The following CDH22 variants were observed in gnomAD, a reference collection of about 807,000 sequenced individuals.
CDH22 encodes cadherin 22, also known as cadherin-22.
In CDH22, 30 loss-of-function variants were observed where a neutral mutation model predicts 58.4. That is an observed-to-expected ratio of 0.51 (90% CI 0.38 to 0.70). The LOEUF is 0.70. CDH22 is among the 30% of genes least tolerant of loss of function. CDH22 has a pLI of 0.00. For synonymous variants in CDH22, 513 were observed against 558.2 expected (o/e 0.92, Z 1.14); for missense variants, 1,014 against 1,233.9 (o/e 0.82, Z 2.67).
intron 2 of CDH22, 77 bp downstream of exon 2, chr20:46,250,963 A>C: frequency 2.3e-6 from 2 of 885,682 alleles, no homozygotes; most frequent in South Asian, 2.7e-5. Context: ...AGGGCAGGTG[A>C]ACAAGGGTTT....
chr20:46,253,158 C>T (rs2086389119), intron 1 of CDH22, among the ~76,000 whole-genome samples: 1 of 152,208 alleles, frequency 6.6e-6, no homozygotes, highest in African/African-American at 2.4e-5. Context: ...CGCAGACCAC[C>T]TTCTTTAACC....
At chr20:46,242,646 A>G (rs1301198461) in intron 2 of CDH22, among the ~76,000 whole-genome samples, 3 of 152,144 alleles carry the variant, frequency 2.0e-5, no homozygotes, top group African/African-American at 4.8e-5. Context: ...CAGTTGCTGG[A>G]TCACAGAGAG....
At chr20:46,211,795 G>T (rs1414181061) in intron 6 of CDH22, among the ~76,000 whole-genome samples, 6 of 151,944 alleles carry the variant, frequency 3.9e-5, no homozygotes, top group Admixed American at 3.9e-4. Flanking sequence ...AATCACTAGT[G>T]CTTAAAAAAG....
At position 46,306,127 on chromosome 20, in the gene CDH22, A is replaced by G. The variant is rs2086675971; in HGVS notation, c.-400+2128T>C. ...TTTCCTCCGGCACTGGCCTGGGAGC[A>G]CTGGGGGTCTAACTTGAACACCTCA... On this transcript the variant is annotated intron_variant, in intron 1 of 11. Coordinates refer to ENST00000537909, the MANE Select transcript of CDH22 (RefSeq NM_021248.3). Among the ~76,000 whole-genome samples the G allele has an allele frequency of 2.0e-5, 3 of 152,244 alleles. No individual in the cohort carries two copies. In the South Asian group the frequency reaches 6.2e-4, roughly 32 times the overall value.
intron 8 of CDH22, among the ~76,000 whole-genome samples, chr20:46,192,921 C>G (rs141030697): frequency 2.0e-5 from 3 of 152,052 alleles, no homozygotes; most frequent in Non-Finnish European, 4.4e-5. Context: ...CCATGCCCCC[C>G]CCCAGTGGGA....
chr20:46,266,371 G>A (rs2086459694), intron 1 of CDH22, among the ~76,000 whole-genome samples: 1 of 152,172 alleles, frequency 6.6e-6, no homozygotes, highest in Non-Finnish European at 1.5e-5. Flanking sequence ...CCTCAGCTCT[G>A]CTCATTGAAG....
chr20:46,223,414 C>CAA, intron 4 of CDH22, among the ~76,000 whole-genome samples: 2 of 152,290 alleles, frequency 1.3e-5, no homozygotes, highest in East Asian at 3.9e-4. Flanking sequence ...GTCCCCACCT[C>CAA]CTCAGGCTGA....
intron 2 of CDH22, among the ~76,000 whole-genome samples, chr20:46,242,888 G>C (rs967099945): frequency 6.6e-6 from 1 of 152,130 alleles, no homozygotes; most frequent in Non-Finnish European, 1.5e-5. Context: ...GCACTATTAG[G>C]CTCCAGATTC....
chr20:46,185,982 G>T (rs2085822125), intron 10 of CDH22, among the ~76,000 whole-genome samples: 1 of 152,026 alleles, frequency 6.6e-6, no homozygotes, highest in Admixed American at 6.6e-5. Context: ...GGAGGCCGAG[G>T]CAGGCCGATA....
rs1327635955 is a variant in CDH22, at chr20:46,241,747, C to T, written c.256-490G>A. 6.6e-6 allele frequency among the ~76,000 whole-genome samples: 1 copy of T among 152,206 alleles called. No individual in the cohort carries two copies. The highest frequency in any genetic ancestry group is 1.5e-5 in the Non-Finnish European group (1 of 68,044). On this transcript the variant is annotated intron_variant, in intron 2 of 11. Transcript: ENST00000537909. The surrounding 1 kb of genome is among the most constrained non-coding windows in gnomAD (Gnocchi z 5.2). ...TTCTGGATCCTCAGTCTCCCCCTGC[C>T]CCCAGGATCTCTCGGTACATCAAGC...
At chr20:46,227,461 CTGG>C in intron 4 of CDH22, 44 bp downstream of exon 4, 17 of 1,335,628 alleles carry the variant, frequency 1.3e-5, no homozygotes, top group African/African-American at 2.9e-5. Flanking sequence ...CGCCCCGCCC[CTGG>C]CCCCGCCCCA....
intron 1 of CDH22, among the ~76,000 whole-genome samples, chr20:46,265,073 T>G (rs1285262816): frequency 6.6e-6 from 1 of 152,222 alleles, no homozygotes; most frequent in East Asian, 1.9e-4. Flanking sequence ...AGAGCCGTGC[T>G]GTACATCATG....
intron 2 of CDH22, among the ~76,000 whole-genome samples, chr20:46,250,095 C>T (rs933924148): frequency 6.6e-6 from 1 of 152,164 alleles, no homozygotes; most frequent in African/African-American, 2.4e-5. Context: ...CCACAAGGGG[C>T]TCAGGAATTG....
chr20:46,244,887 A>G (rs1012774461), intron 2 of CDH22, among the ~76,000 whole-genome samples: 1 of 152,136 alleles, frequency 6.6e-6, no homozygotes, highest in Non-Finnish European at 1.5e-5. Context: ...ACCTCAAACT[A>G]CAAATCAGGA....
intron 1 of CDH22, among the ~76,000 whole-genome samples, chr20:46,264,872 GCACA>G (rs112624382): frequency 9.4e-4 from 138 of 147,510 alleles, no homozygotes; most frequent in African/African-American, 3.2e-3. Context: ...CACACCGTGC[GCACA>G]CACACACACC....
chr20:46,196,608 A>C (rs1382918869), intron 8 of CDH22, among the ~76,000 whole-genome samples: 1 of 152,140 alleles, frequency 6.6e-6, no homozygotes, highest in East Asian at 1.9e-4. Context: ...AGCACCAGGG[A>C]AACAGGACTG....
At chr20:46,200,676 T>C (rs1479386738) in intron 7 of CDH22, among the ~76,000 whole-genome samples, 1 of 152,056 alleles carries the variant, frequency 6.6e-6, no homozygotes, top group Non-Finnish European at 1.5e-5. Flanking sequence ...AAACAGAAGG[T>C]GCAAAGGCGC....
chr20:46,263,055 A>G (rs2086441212), intron 1 of CDH22, among the ~76,000 whole-genome samples: 1 of 152,226 alleles, frequency 6.6e-6, no homozygotes, highest in Admixed American at 6.5e-5. Flanking sequence ...CCTGTGTCTC[A>G]GAACCAAGCT....
At chr20:46,183,453 A>G (rs528092020) in intron 10 of CDH22, among the ~76,000 whole-genome samples, 4 of 152,234 alleles carry the variant, frequency 2.6e-5, no homozygotes, top group South Asian at 4.1e-4. Context: ...GACTGAGACA[A>G]GGTCTCACTC....
Sources: gnomAD v4.1 joint callset for allele counts (sites outside exome capture counted in the v4.1 genomes callset) on GRCh38, gnomAD v4.1.1 for gene constraint, Gnocchi (gnomAD v3.1) non-coding constraint, MANE v1.5 for transcripts, NCBI Gene and HGNC (gene_info 2026-07-23, HGNC 2026-07-21) for gene names.